Variants in OPCML observed in about 807,000 individuals in gnomAD.
The protein encoded by OPCML is opioid-binding protein/cell adhesion molecule.
Under a neutral mutation model 37.8 loss-of-function variants are expected in OPCML, and 13 were observed. The observed-to-expected ratio is 0.34, with a 90% CI of 0.22 to 0.55. The LOEUF (loss-of-function observed/expected upper bound fraction) is 0.55. Among genes scored for constraint, OPCML ranks in the 20% least tolerant of loss-of-function variants. The pLI, the probability that OPCML is intolerant of heterozygous loss-of-function variation, is 0.91. For missense variants in OPCML, 341 were observed against 435.6 expected, an observed-to-expected ratio of 0.78 and a Z score of 1.93; for synonymous variants, 176 against 168.8, an observed-to-expected ratio of 1.04 and a Z score of -0.33.
At chr11:132,546,761 G>A (rs1245058432) in intron 3 of OPCML, among the ~76,000 whole-genome samples, 1 of 152,194 alleles carries the variant, frequency 6.6e-6, no homozygotes. Context: ...CTGTTGTGAG[G>A]ATTAAATGAG....
At chr11:132,696,838 G>T (rs1029674996) in intron 2 of OPCML, among the ~76,000 whole-genome samples, 12 of 151,756 alleles carry the variant, frequency 7.9e-5, no homozygotes, top group Admixed American at 1.3e-4. Flanking sequence ...AAGTAGAGAA[G>T]AAATTACTTA....
intron 2 of OPCML, among the ~76,000 whole-genome samples, chr11:132,804,460 C>A (rs974852148): frequency 6.6e-6 from 1 of 152,154 alleles, no homozygotes; most frequent in Non-Finnish European, 1.5e-5. Flanking sequence ...CTGAGCAAGA[C>A]AAGCAGTTTA....
At chr11:133,486,134 A>G (rs75145159) in intron 1 of OPCML, among the ~76,000 whole-genome samples, 3,617 of 152,322 alleles carry the variant, frequency 0.024, 145 homozygotes, top group African/African-American at 0.082. Context: ...ACATAACCCA[A>G]TAAAGAACCA....
Position 133,239,658 on chromosome 11 carries a change from G to A in OPCML, c.61+292606C>T, listed in dbSNP as rs141063639. Among the ~76,000 whole-genome samples, 167 of 152,342 alleles carry A rather than the reference G, an allele frequency of 1.1e-3. 1 individual carries two copies. The highest frequency in any genetic ancestry group is 0.01 in the Middle Eastern group (3 of 294). On this transcript the variant is annotated intron_variant, in intron 1 of 7. Coordinates refer to ENST00000524381, the MANE Select transcript of OPCML (RefSeq NM_001012393.5). The stretch of plus-strand genomic sequence containing the variant: ...TGCCCACCAGGTGCAAAGCCATGGC[G>A]CGGTGTGACATCCCCACGGAGGAGA...
chr11:133,159,208 G>A (rs562221030), intron 1 of OPCML, among the ~76,000 whole-genome samples: 1 of 152,304 alleles, frequency 6.6e-6, no homozygotes, highest in African/African-American at 2.4e-5. Flanking sequence ...CCCATTCTCT[G>A]CATCCCGACA....
intron 3 of OPCML, among the ~76,000 whole-genome samples, chr11:132,541,458 T>C (rs367648546): frequency 1.3e-4 from 20 of 152,214 alleles, no homozygotes; most frequent in African/African-American, 4.8e-4. Context: ...AGGGTTTTTG[T>C]CACAGTGTCT....
intron 2 of OPCML, among the ~76,000 whole-genome samples, chr11:132,855,416 T>C (rs2136341147): frequency 6.6e-6 from 1 of 152,302 alleles, no homozygotes; most frequent in South Asian, 2.1e-4. Context: ...AAATTCCTCT[T>C]CTCCACTTGG....
chr11:133,298,782 A>G (rs1942702018), intron 1 of OPCML: 1 of 152,176 alleles, frequency 6.6e-6, no homozygotes, highest in African/African-American at 2.4e-5. Context: ...TCAGGCAGCT[A>G]CAAGAGTCTC....
chr11:132,531,463 T>C (rs1467746904), intron 3 of OPCML, among the ~76,000 whole-genome samples: 2 of 152,192 alleles, frequency 1.3e-5, no homozygotes, highest in South Asian at 2.1e-4. Flanking sequence ...TTATGGCAAA[T>C]GCTGAATTCA....
rs147605819 is a variant in OPCML at position 133,112,452 on chromosome 11, C to T, written c.62-169442G>A. Among the ~76,000 whole-genome samples the T allele has an allele frequency of 3.8e-3, 584 of 152,224 alleles. 3 individuals carry two copies. Among genetic ancestry groups the T allele is most frequent in the African/African-American group, 0.014 (567 of 41,540 alleles). On this transcript the variant is annotated intron_variant, in intron 1 of 7. Coordinates refer to ENST00000524381, the MANE Select transcript of OPCML (RefSeq NM_001012393.5). Reference sequence around the variant, plus strand: ...TGAAAAATTAGTAGAAAATCAGCAACATTTAGAAATAAATAAAAAGTACAA... The same window carrying T: ...TGAAAAATTAGTAGAAAATCAGCAATATTTAGAAATAAATAAAAAGTACAA...
chr11:132,503,138 A>T (rs2096249189), intron 4 of OPCML, among the ~76,000 whole-genome samples: 1 of 152,192 alleles, frequency 6.6e-6, no homozygotes, highest in Non-Finnish European at 1.5e-5. Context: ...CACTAAGGAA[A>T]CTGGTTGATT....
At chr11:132,981,441 C>G (rs1202534632) in intron 1 of OPCML, among the ~76,000 whole-genome samples, 2 of 152,054 alleles carry the variant, frequency 1.3e-5, no homozygotes, top group Non-Finnish European at 2.9e-5. Context: ...ACTGGAAAGC[C>G]TGAGAGGAGG....
chr11:133,134,967 T>C (rs979952953), intron 1 of OPCML, among the ~76,000 whole-genome samples: 1 of 152,228 alleles, frequency 6.6e-6, no homozygotes, highest in African/African-American at 2.4e-5. Context: ...GATATTGTTC[T>C]AGTGCACATT....
At chr11:132,537,043 T>A (rs1378870857) in intron 3 of OPCML, among the ~76,000 whole-genome samples, 1 of 152,210 alleles carries the variant, frequency 6.6e-6, no homozygotes, top group African/African-American at 2.4e-5. Flanking sequence ...GAGCCGATGG[T>A]CTTTCAGCAA....
intron 3 of OPCML, among the ~76,000 whole-genome samples, chr11:132,570,939 T>G (rs866285072): frequency 1.3e-5 from 2 of 151,484 alleles, no homozygotes; most frequent in South Asian, 4.2e-4. Context: ...GGTAAAATGC[T>G]GCTTCTCTTT....
intron 7 of OPCML, among the ~76,000 whole-genome samples, chr11:132,426,930 C>A (rs1343178343): frequency 6.6e-6 from 1 of 151,998 alleles, no homozygotes; most frequent in Non-Finnish European, 1.5e-5. Context: ...ACAGAGCTCT[C>A]AGAAAAAAAT....
chr11:133,162,373 C>T (rs901005526), intron 1 of OPCML, among the ~76,000 whole-genome samples: 3 of 152,176 alleles, frequency 2.0e-5, no homozygotes, highest in South Asian at 2.1e-4. Context: ...TTTTGCTGTG[C>T]GGTTTCATTA....
At chr11:132,642,891 A>G (rs542368931) in intron 3 of OPCML, among the ~76,000 whole-genome samples, 1 of 152,332 alleles carries the variant, frequency 6.6e-6, no homozygotes, top group Admixed American at 6.5e-5. Flanking sequence ...ATAGGAATTA[A>G]GGCTTTAGCC....
intron 1 of OPCML, among the ~76,000 whole-genome samples, chr11:133,133,651 T>G (rs1207828313): frequency 6.6e-6 from 1 of 152,062 alleles, no homozygotes; most frequent in Admixed American, 6.6e-5. Flanking sequence ...GAATCCACCC[T>G]CCCTTTGATT....
Sources: gnomAD v4.1 joint callset for allele counts (sites outside exome capture counted in the v4.1 genomes callset) on GRCh38, gnomAD v4.1.1 for gene constraint, MANE v1.5 for transcripts, NCBI Gene and HGNC (gene_info 2026-07-23, HGNC 2026-07-21) for gene names.